The following PCCA variants were observed in gnomAD, a reference collection of about 807,000 sequenced individuals.
PCCA encodes the protein propionyl-CoA carboxylase alpha chain, mitochondrial.
In PCCA, 74 loss-of-function variants were observed where a neutral mutation model predicts 101.3. The ratio of observed to expected loss-of-function variants is 0.73; its 90% CI spans 0.61 to 0.89. The LOEUF (loss-of-function observed/expected upper bound fraction) is 0.89, where lower values mean the gene tolerates loss of function less well. Ranked by LOEUF, PCCA falls within the 40% of genes least tolerant of loss-of-function variation. The pLI, the probability that PCCA is intolerant of heterozygous loss-of-function variation, is 0.00. For missense variants in PCCA, 891 were observed against 907.0 expected, an observed-to-expected ratio of 0.98 and a Z score of 0.23; for synonymous variants, 294 against 313.6, an observed-to-expected ratio of 0.94 and a Z score of 0.66.
intron 6 of PCCA, among the ~76,000 whole-genome samples, chr13:100,159,543 A>G (rs78075133): frequency 0.017 from 2,653 of 152,280 alleles, 82 homozygotes; most frequent in African/African-American, 0.061. Flanking sequence ...TTGATACACA[A>G]ATAACTTCAC....
chr13:100,313,928 C>T (rs1453184691), intron 16 of PCCA, among the ~76,000 whole-genome samples: 2 of 152,082 alleles, frequency 1.3e-5, no homozygotes, highest in African/African-American at 4.8e-5. Context: ...AAGCTTGTCC[C>T]TCGGAGTCTT....
At chr13:100,127,937 AT>A (rs1296217982) in intron 4 of PCCA, among the ~76,000 whole-genome samples, 1 of 152,144 alleles carries the variant, frequency 6.6e-6, no homozygotes, top group African/African-American at 2.4e-5. Context: ...AGTTTACCTT[AT>A]TCTATGTTCC....
At chr13:100,189,829 A>G (rs1416253669) in intron 6 of PCCA, among the ~76,000 whole-genome samples, 1 of 152,246 alleles carries the variant, frequency 6.6e-6, no homozygotes, top group Non-Finnish European at 1.5e-5. Flanking sequence ...TTTTAAATCC[A>G]TAAAATCACA....
intron 19 of PCCA, among the ~76,000 whole-genome samples, chr13:100,408,979 C>T (rs982213120): frequency 2.6e-5 from 4 of 152,118 alleles, no homozygotes; most frequent in Admixed American, 1.3e-4. Flanking sequence ...AATTACTGTC[C>T]GATGGAGTTG....
intron 20 of PCCA, among the ~76,000 whole-genome samples, chr13:100,442,614 C>T (rs1446620937): frequency 6.6e-6 from 1 of 152,168 alleles, no homozygotes; most frequent in Non-Finnish European, 1.5e-5. Flanking sequence ...AGGCAGTGTT[C>T]TAGACTCTGC....
intron 19 of PCCA, among the ~76,000 whole-genome samples, chr13:100,396,778 A>G (rs2077063424): frequency 6.6e-6 from 1 of 152,214 alleles, no homozygotes; most frequent in Admixed American, 6.5e-5. Context: ...TTTTGAATCT[A>G]CAGCAGACTA....
At chr13:100,272,992 A>T (rs1458955992) in intron 11 of PCCA, among the ~76,000 whole-genome samples, 1 of 152,208 alleles carries the variant, frequency 6.6e-6, no homozygotes, top group African/African-American at 2.4e-5. Context: ...TACAAATCTA[A>T]AGTTGACTTA....
chr13:100,270,320 A>T (rs1176174945), intron 11 of PCCA, among the ~76,000 whole-genome samples: 1 of 152,232 alleles, frequency 6.6e-6, no homozygotes, highest in Non-Finnish European at 1.5e-5. Context: ...GTACTGTAGT[A>T]CTGTAGTATG....
At chr13:100,159,332 G>T (rs575371555) in intron 6 of PCCA, among the ~76,000 whole-genome samples, 7 of 151,736 alleles carry the variant, frequency 4.6e-5, no homozygotes, top group Non-Finnish European at 1.0e-4. Context: ...GTCGTGATCC[G>T]CCCACCTCAG....
chr13:100,352,555 G>A lies in PCCA; in HGVS notation c.1643+12296G>A, dbSNP rs754715503. 4.4e-4 allele frequency among the ~76,000 whole-genome samples: 66 copies of A among 151,236 alleles called. 1 individual carries two copies. Among genetic ancestry groups the A allele is most frequent in the Admixed American group, 3.3e-4 (5 of 15,180 alleles). On this transcript the variant is annotated intron_variant, in intron 18 of 23. Coordinates refer to ENST00000376285, the MANE Select transcript of PCCA (RefSeq NM_000282.4). ...TACTAGAGTGCATGCCCTAACATTT[G>A]GCTATATATATATTTTTAAATAGAG...
At chr13:100,246,669 TA>T (rs2061447313) in intron 8 of PCCA, among the ~76,000 whole-genome samples, 1 of 152,198 alleles carries the variant, frequency 6.6e-6, no homozygotes, top group African/African-American at 2.4e-5. Context: ...AATAGTTTTT[TA>T]TTATTATTGA....
chr13:100,375,490 T>C (rs1165210015), intron 19 of PCCA, among the ~76,000 whole-genome samples: 1 of 152,190 alleles, frequency 6.6e-6, no homozygotes, highest in Non-Finnish European at 1.5e-5. Context: ...TATTATTGTA[T>C]GGGAGTCTAA....
chr13:100,131,485 C>G (rs957883181), intron 4 of PCCA, among the ~76,000 whole-genome samples: 13 of 152,180 alleles, frequency 8.5e-5, no homozygotes, highest in Non-Finnish European at 2.9e-5. Flanking sequence ...GGAGAGCTTG[C>G]AGTTTTATTT....
At chr13:100,441,130 C>T (rs1449280330) in intron 20 of PCCA, among the ~76,000 whole-genome samples, 1 of 152,128 alleles carries the variant, frequency 6.6e-6, no homozygotes, top group Admixed American at 6.5e-5. Flanking sequence ...TTCTGAACTT[C>T]CCCTTCCCAC....
intron 6 of PCCA, among the ~76,000 whole-genome samples, chr13:100,170,723 G>C (rs559825348): frequency 2.0e-5 from 3 of 152,264 alleles, no homozygotes; most frequent in Non-Finnish European, 4.4e-5. Context: ...CACAATATTT[G>C]ATTTATAAGG....
chr13:100,466,477 A>G (rs551715644), intron 21 of PCCA, among the ~76,000 whole-genome samples: 68 of 152,308 alleles, frequency 4.5e-4, no homozygotes, highest in Non-Finnish European at 9.0e-4. Context: ...GGGAACAGCT[A>G]AGGTAATTCC....
intron 20 of PCCA, among the ~76,000 whole-genome samples, chr13:100,442,904 G>A (rs1272168509): frequency 2.0e-5 from 3 of 152,132 alleles, no homozygotes; most frequent in African/African-American, 7.2e-5. Flanking sequence ...GCTCTGAAAC[G>A]GGACAAGCTT....
At chr13:100,230,086 C>T (rs886196529) in intron 7 of PCCA, among the ~76,000 whole-genome samples, 9 of 152,144 alleles carry the variant, frequency 5.9e-5, no homozygotes, top group African/African-American at 2.2e-4. Context: ...GTGTTGATTG[C>T]GTTAATTTGC....
chr13:100,235,724 T>C, intron 7 of PCCA, 118 bp from the exon 8 acceptor site: 1 of 743,008 alleles, frequency 1.3e-6, no homozygotes, highest in Non-Finnish European at 2.5e-6. Context: ...GGTTAGAAGG[T>C]AGTAAAATTG....
Sources: allele counts gnomAD v4.1 joint callset (sites outside exome capture counted in the v4.1 genomes callset), GRCh38; gene constraint gnomAD v4.1.1; transcripts MANE v1.5; gene names NCBI Gene and HGNC (gene_info 2026-07-23, HGNC 2026-07-21).